Variants in AGK observed in about 807,000 individuals in gnomAD.
AGK encodes the protein acylglycerol kinase, mitochondrial.
A neutral mutation model predicts 66.4 loss-of-function variants in AGK; 52 were observed. The observed-to-expected ratio is 0.78, with a 90% CI of 0.63 to 0.99. The LOEUF (loss-of-function observed/expected upper bound fraction) is 0.99. Among genes scored for constraint, AGK ranks in the 50% least tolerant of loss-of-function variants. AGK has a pLI of 0.00. For missense variants in AGK, 451 were observed against 506.6 expected (o/e 0.89, Z 1.05); for synonymous variants, 182 against 181.1 (o/e 1.00, Z -0.04).
At chr7:141,590,995 G>A (rs1279267703) in intron 2 of AGK, among the ~76,000 whole-genome samples, 1 of 151,082 alleles carries the variant, frequency 6.6e-6, no homozygotes, top group Non-Finnish European at 1.5e-5. Context: ...CAAGGGGTGA[G>A]TCTCCTGAAA....
Position 141,653,019 on chromosome 7 carries a change from G to C in AGK, c.*95G>C, listed in dbSNP as rs1797602983. On this transcript the variant is annotated 3_prime_UTR_variant, in exon 16 of 16. Transcript: ENST00000649286. ...CAGCCATCCCAACAGTGTCGTCAGA[G>C]GGTCCCCAGGGCATTTTCATGGCAA... is the stretch of plus-strand genomic sequence containing the variant. 2 of 1,481,392 alleles carry C rather than the reference G, an allele frequency of 1.4e-6. No homozygotes were observed. The highest frequency in any genetic ancestry group is 2.3e-5 in the East Asian group (1 of 43,774). 91.8% of individuals were successfully genotyped at this position (1,481,392 alleles called of 1,614,324 possible). A position where few individuals can be genotyped will look rare whatever the true frequency, so the allele number is the denominator to read the frequency against.
At chr7:141,638,573 T>C (rs1797222858) in intron 11 of AGK, among the ~76,000 whole-genome samples, 1 of 152,078 alleles carries the variant, frequency 6.6e-6, no homozygotes, top group African/African-American at 2.4e-5. Context: ...GGACATTAGA[T>C]AGAAGGTTGT....
chr7:141,560,960 A>AT (rs1370594398), intron 2 of AGK, among the ~76,000 whole-genome samples: 1 of 151,864 alleles, frequency 6.6e-6, no homozygotes, highest in African/African-American at 2.4e-5. Context: ...CACCCAGCTA[A>AT]TTTTTTGTAT....
intron 3 of AGK, 123 bp from the exon 4 acceptor site, chr7:141,596,439 A>AT (rs1796227266): frequency 1.3e-6 from 1 of 745,368 alleles, no homozygotes; most frequent in African/African-American, 1.7e-5. Context: ...ATGAAAGAAT[A>AT]TTTTTCCCCA....
chr7:141,641,980 C>G, intron 13 of AGK, 72 bp downstream of exon 13: 5 of 1,250,530 alleles, frequency 4.0e-6, no homozygotes, highest in Non-Finnish European at 5.7e-6. Flanking sequence ...TCCTCTCCCA[C>G]TAATTCAGTT....
intron 2 of AGK, among the ~76,000 whole-genome samples, chr7:141,561,428 C>A (rs937642282): frequency 1.3e-5 from 2 of 152,006 alleles, no homozygotes; most frequent in Non-Finnish European, 2.9e-5. Flanking sequence ...ATGCCAACAT[C>A]TGTTATTTTT....
Position 141,555,518 on chromosome 7 carries a change from G to A in AGK, c.52G>A (p.Gly18Arg). ...AAATCACTGGAAGAAAACTACAGCT[G>A]GGCTCTGCCTGCTGACCTGGGGAGG... ...LRNHWKKTTA[G>R]LCLLTWGGHW... is the part of the protein sequence containing the mutation. The change falls in exon 2 of 16, where the codon GGG becomes AGG. Residue 18 changes from glycine (G) to arginine (R), a missense_variant. Coordinates refer to ENST00000649286, the MANE Select transcript of AGK (RefSeq NM_018238.4). This position sits in a 1 kb window ranked among gnomAD's most constrained non-coding sequence, Gnocchi z 4.2. The A allele has an allele frequency of 6.2e-7, 1 of 1,614,094 alleles. No individual in the cohort carries two copies. Among genetic ancestry groups the A allele is most frequent in the Non-Finnish European group, 8.5e-7 (1 of 1,180,000 alleles).
At chr7:141,614,558 A>C (rs1012047895) in intron 7 of AGK, among the ~76,000 whole-genome samples, 29 of 152,200 alleles carry the variant, frequency 1.9e-4, no homozygotes, top group African/African-American at 6.7e-4. Context: ...AAAGTTTTGA[A>C]TAAAAAAAAA....
At chr7:141,585,454 A>G (rs1479049448) in intron 2 of AGK, among the ~76,000 whole-genome samples, 1 of 152,258 alleles carries the variant, frequency 6.6e-6, no homozygotes, top group African/African-American at 2.4e-5. Flanking sequence ...TAATTATTCT[A>G]GGAAGCCTGG....
intron 13 of AGK, among the ~76,000 whole-genome samples, chr7:141,644,149 G>A (rs1369967556): frequency 6.6e-6 from 1 of 151,732 alleles, no homozygotes; most frequent in Non-Finnish European, 1.5e-5. Flanking sequence ...AAGATAAAAT[G>A]TCTAATTATA....
intron 7 of AGK, among the ~76,000 whole-genome samples, chr7:141,614,988 C>G (rs767450988): frequency 2.6e-5 from 4 of 152,146 alleles, no homozygotes; most frequent in Non-Finnish European, 5.9e-5. Flanking sequence ...TAATTAACTG[C>G]TATGCCAGTA....
At chr7:141,580,440 C>T (rs1795857293) in intron 2 of AGK, among the ~76,000 whole-genome samples, 1 of 151,824 alleles carries the variant, frequency 6.6e-6, no homozygotes, top group African/African-American at 2.4e-5. Flanking sequence ...TCAGGTGGAT[C>T]AGAGAGATAC....
chr7:141,576,836 G>A (rs916356977), intron 2 of AGK, among the ~76,000 whole-genome samples: 4 of 151,730 alleles, frequency 2.6e-5, no homozygotes, highest in Non-Finnish European at 4.4e-5. Flanking sequence ...TCAGGAGATC[G>A]AGACCATCCT....
At chr7:141,570,056 G>A (rs1036072292) in intron 2 of AGK, among the ~76,000 whole-genome samples, 1 of 152,138 alleles carries the variant, frequency 6.6e-6, no homozygotes, top group African/African-American at 2.4e-5. Context: ...CAATATTATC[G>A]TGATGCTAAT....
At chr7:141,644,223 A>G (rs1034182046) in intron 13 of AGK, among the ~76,000 whole-genome samples, 1 of 152,048 alleles carries the variant, frequency 6.6e-6, no homozygotes, top group Non-Finnish European at 1.5e-5. Flanking sequence ...GTTCTTTACC[A>G]TTGTTCTTTT....
chr7:141,595,365 A>C (rs1246114819), intron 3 of AGK, among the ~76,000 whole-genome samples: 2 of 152,238 alleles, frequency 1.3e-5, no homozygotes, highest in Non-Finnish European at 2.9e-5. Context: ...CAAAATGTTA[A>C]AGTCTAAGTA....
chr7:141,563,514 G>A (rs189159161), intron 2 of AGK, among the ~76,000 whole-genome samples: 3 of 152,066 alleles, frequency 2.0e-5, no homozygotes, highest in Non-Finnish European at 1.5e-5. Flanking sequence ...TTATCTTCCC[G>A]GACACCCTGA....
At chr7:141,624,311 A>G (rs904039554) in intron 9 of AGK, among the ~76,000 whole-genome samples, 1 of 152,238 alleles carries the variant, frequency 6.6e-6, no homozygotes, top group Non-Finnish European at 1.5e-5. Flanking sequence ...GACCCCATCT[A>G]TACAAAAAAA....
intron 2 of AGK, chr7:141,562,083 C>T (rs1339260799): frequency 2.2e-6 from 1 of 456,258 alleles, no homozygotes. Context: ...ATGATGTAGA[C>T]TCTGTGAGGA....
Sources: allele counts gnomAD v4.1 joint callset (sites outside exome capture counted in the v4.1 genomes callset), GRCh38; gene constraint gnomAD v4.1.1; non-coding constraint Gnocchi (gnomAD v3.1); transcripts MANE v1.5; gene names NCBI Gene and HGNC (gene_info 2026-07-23, HGNC 2026-07-21).